The following DOCK2 variants were observed in gnomAD, a reference collection of about 807,000 sequenced individuals.
DOCK2 encodes dedicator of cytokinesis 2.
A neutral mutation model predicts 248.9 loss-of-function variants in DOCK2; 87 were observed. The ratio of observed to expected loss-of-function variants is 0.35; its 90% CI spans 0.29 to 0.42. The LOEUF (loss-of-function observed/expected upper bound fraction) is 0.42, where lower values mean the gene tolerates loss of function less well. DOCK2 is among the 10% of genes least tolerant of loss of function. The pLI, the probability that DOCK2 is intolerant of heterozygous loss-of-function variation, is 1.00. For synonymous variants in DOCK2, 805 were observed against 821.6 expected (o/e 0.98, Z 0.35); for missense variants, 1,747 against 2,300.2 (o/e 0.76, Z 4.92).
At chr5:169,702,697 GTATTTATTTATT>G (rs33967344) in intron 14 of DOCK2, 18 of 205,776 alleles carry the variant, frequency 8.7e-5, no homozygotes, top group Non-Finnish European at 1.4e-4. Flanking sequence ...ATGTATGTAT[GTATTTATTTATT>G]TATTTACTTT....
chr5:169,865,691 G>T (rs1771504365), intron 27 of DOCK2, among the ~76,000 whole-genome samples: 1 of 152,228 alleles, frequency 6.6e-6, no homozygotes, highest in Non-Finnish European at 1.5e-5. Flanking sequence ...GCGTGGGAGT[G>T]TGGGAAGTGG....
chr5:169,702,978 C>A (rs911811512), intron 14 of DOCK2, among the ~76,000 whole-genome samples: 5 of 152,138 alleles, frequency 3.3e-5, no homozygotes, highest in African/African-American at 1.2e-4. Context: ...TTCAGGAATG[C>A]AAAGCGCATT....
At position 169,654,478 on chromosome 5, in the gene DOCK2, C is replaced by T. The variant is rs764520982; in HGVS notation, c.119C>T (p.Thr40Met). ...GGCGATGTGGTGCGAATACAGGAGA[C>T]GTGTGGAGGTGAGTCACTGGCCCAC... ...QIGDVVRIQE[T>M]CGDWYRGYLI... The change falls in exon 2 of 52, where the codon ACG (threonine) becomes ATG (methionine). Residue 40 changes from threonine (T) to methionine (M), a missense_variant. This residue lies in a region of DOCK2 where 375 missense variants were observed against 510.9 expected (regional missense o/e 0.73). Transcript: ENST00000520908. 1.9e-5 allele frequency: 30 copies of T among 1,614,032 alleles called. No homozygotes were observed. The highest frequency in any genetic ancestry group is 1.4e-4 in the South Asian group (13 of 91,086).
chr5:169,973,651 C>T (rs1272602572), intron 27 of DOCK2, among the ~76,000 whole-genome samples: 1 of 152,190 alleles, frequency 6.6e-6, no homozygotes, highest in Admixed American at 6.5e-5. Context: ...CTATGAGAAA[C>T]TAGATATATT....
intron 1 of DOCK2, 99 bp from the exon 2 acceptor site, chr5:169,654,304 C>T (rs943000984): frequency 4.7e-5 from 63 of 1,349,900 alleles, no homozygotes; most frequent in African/African-American, 1.6e-4. Context: ...AGGTGGGCTG[C>T]GTGGGCATGG....
At chr5:169,648,419 C>T (rs755904398) in intron 1 of DOCK2, among the ~76,000 whole-genome samples, 7 of 152,118 alleles carry the variant, frequency 4.6e-5, no homozygotes, top group Non-Finnish European at 7.3e-5. Context: ...TTCGTCTTGT[C>T]GGCTGGGCAT....
At chr5:169,936,537 G>A (rs572809264) in intron 27 of DOCK2, among the ~76,000 whole-genome samples, 2 of 150,256 alleles carry the variant, frequency 1.3e-5, no homozygotes, top group African/African-American at 4.9e-5. Flanking sequence ...TGTGTATTTC[G>A]ATGGGCATGT....
intron 27 of DOCK2, among the ~76,000 whole-genome samples, chr5:169,848,336 G>A (rs1014025134): frequency 1.1e-4 from 16 of 152,228 alleles, no homozygotes; most frequent in African/African-American, 3.9e-4. Context: ...TAAGCAGGAT[G>A]TGAACCAGGG....
At chr5:169,841,335 C>T (rs901315630) in intron 27 of DOCK2, 2 of 988,654 alleles carry the variant, frequency 2.0e-6, no homozygotes, top group Non-Finnish European at 2.4e-6. Context: ...TCTGCATAAA[C>T]AGTATGTTCT....
intron 29 of DOCK2, among the ~76,000 whole-genome samples, chr5:169,990,868 G>A (rs1778188894): frequency 6.6e-6 from 1 of 152,192 alleles, no homozygotes; most frequent in Admixed American, 6.5e-5. Context: ...GGTCCACGCT[G>A]TGTTGTCACA....
intron 2 of DOCK2, among the ~76,000 whole-genome samples, chr5:169,662,507 G>T (rs1269186165): frequency 3.3e-5 from 5 of 152,124 alleles, no homozygotes; most frequent in African/African-American, 1.2e-4. Context: ...TCACACTGCT[G>T]TAAAGAACTA....
At chr5:169,730,521 G>A (rs535048397) in intron 22 of DOCK2, among the ~76,000 whole-genome samples, 12 of 152,284 alleles carry the variant, frequency 7.9e-5, no homozygotes, top group East Asian at 5.8e-4. Context: ...AACTAAAAAC[G>A]CTTGTATGGC....
Position 170,008,554 on chromosome 5 carries a change from C to T in DOCK2, c.3130C>T (p.Leu1044=). The change falls in exon 31 of 52, where the codon CTG becomes TTG. Residue 1044 remains leucine, a synonymous_variant. Coordinates refer to ENST00000520908, the MANE Select transcript of DOCK2 (RefSeq NM_004946.3). ...TTTTATCACCCAGGATTCTCTGCAGCTGGAGCAGTTCTCACACGCCAAATA... is the reference window on the plus strand; with the variant it reads ...TTTTATCACCCAGGATTCTCTGCAGTTGGAGCAGTTCTCACACGCCAAATA... ...VAFITQDSLQ[L]EQFSHAKYNK... The T allele has an allele frequency of 6.2e-7, 1 of 1,614,118 alleles. No homozygotes were observed. Among genetic ancestry groups the T allele is most frequent in the Non-Finnish European group, 8.5e-7 (1 of 1,179,982 alleles).
At chr5:169,692,874 A>G (rs559534119) in intron 9 of DOCK2, among the ~76,000 whole-genome samples, 9 of 152,210 alleles carry the variant, frequency 5.9e-5, no homozygotes, top group African/African-American at 1.9e-4. Context: ...GTGCCCTGAT[A>G]TCTTCTTATA....
chr5:169,833,750 C>T (rs989218060), intron 26 of DOCK2, among the ~76,000 whole-genome samples: 7 of 152,194 alleles, frequency 4.6e-5, no homozygotes, highest in Non-Finnish European at 8.8e-5. Flanking sequence ...CTAAAACCTC[C>T]AGCACTTTCC....
At chr5:169,643,353 A>G (rs1283870637) in intron 1 of DOCK2, among the ~76,000 whole-genome samples, 1 of 51,672 alleles carries the variant, frequency 1.9e-5, no homozygotes, top group Non-Finnish European at 3.4e-5. Flanking sequence ...GTGGTCTGCA[A>G]CCTTTTCAGC....
At chr5:170,036,603 G>T (rs1581545568) in intron 36 of DOCK2, 48 bp downstream of exon 36, 1 of 1,587,774 alleles carries the variant, frequency 6.3e-7, no homozygotes, top group African/African-American at 1.3e-5. Flanking sequence ...TCACTTTCCT[G>T]CTCAGTATCC....
chr5:169,905,152 A>G (rs171862), intron 27 of DOCK2, among the ~76,000 whole-genome samples: 109,943 of 152,084 alleles, frequency 0.72, 39,890 homozygotes, highest in East Asian at 0.77. Context: ...GCAAACTCAC[A>G]TGGCTTCAGG....
intron 27 of DOCK2, among the ~76,000 whole-genome samples, chr5:169,841,778 C>T (rs1345503147): frequency 2.0e-5 from 3 of 152,158 alleles, no homozygotes; most frequent in African/African-American, 4.8e-5. Context: ...TTTCTAATTA[C>T]GTATAATCGG....
Sources: allele counts gnomAD v4.1 joint callset (sites outside exome capture counted in the v4.1 genomes callset), GRCh38; gene constraint gnomAD v4.1.1; regional missense constraint gnomAD v4.1.1; transcripts MANE v1.5; gene names NCBI Gene and HGNC (gene_info 2026-07-23, HGNC 2026-07-21).